Variants in PRIM2 observed in about 807,000 individuals in gnomAD.
The protein encoded by PRIM2 is DNA primase large subunit.
In PRIM2, 39 loss-of-function variants were observed where a neutral mutation model predicts 67.3. The observed-to-expected ratio is 0.58, with a 90% CI of 0.45 to 0.76. The LOEUF is 0.76. Ranked by LOEUF, PRIM2 falls within the 30% of genes least tolerant of loss-of-function variation. PRIM2 has a pLI of 0.00. For missense variants in PRIM2, 398 were observed against 598.7 expected, an observed-to-expected ratio of 0.66 and a Z score of 3.50; for synonymous variants, 143 against 198.7, an observed-to-expected ratio of 0.72 and a Z score of 2.36.
chr6:57,277,890 A>G, the PRIM2 span, among the ~76,000 whole-genome samples: 1 of 152,012 alleles, frequency 6.6e-6, no homozygotes, highest in East Asian at 1.9e-4. Context: ...AGGCTGAGGC[A>G]GGAGGATGGC....
chr6:57,297,899 G>A, the PRIM2 span, among the ~76,000 whole-genome samples: 1 of 152,184 alleles, frequency 6.6e-6, no homozygotes, highest in Non-Finnish European at 1.5e-5. Context: ...CCAGACAAAG[G>A]AGACTGAGAA....
chr6:57,285,484 A>G, the PRIM2 span, among the ~76,000 whole-genome samples: 2 of 152,194 alleles, frequency 1.3e-5, no homozygotes, highest in Non-Finnish European at 2.9e-5. Flanking sequence ...AAATCAATAA[A>G]CGTAATCCAT....
At chr6:57,362,003 G>A (rs1186862715) in intron 5 of PRIM2, among the ~76,000 whole-genome samples, 1 of 152,086 alleles carries the variant, frequency 6.6e-6, no homozygotes, top group Non-Finnish European at 1.5e-5. Flanking sequence ...AAAGGAGGTA[G>A]CAGAGATACT....
intron 11 of PRIM2, among the ~76,000 whole-genome samples, chr6:57,602,060 ATT>A (rs1192324407): frequency 4.9e-5 from 7 of 143,492 alleles, no homozygotes; most frequent in Admixed American, 1.4e-4. Context: ...ATAAACATAG[ATT>A]TTTTTTTTTT....
intron 7 of PRIM2, among the ~76,000 whole-genome samples, chr6:57,445,327 T>C (rs954433638): frequency 1.3e-5 from 2 of 152,132 alleles, no homozygotes; most frequent in African/African-American, 4.8e-5. Context: ...TGTATATGAG[T>C]ACGTAACAAA....
chr6:57,417,402 T>C (rs2127368772), intron 7 of PRIM2, among the ~76,000 whole-genome samples: 1 of 152,344 alleles, frequency 6.6e-6, no homozygotes, highest in East Asian at 1.9e-4. Flanking sequence ...ATTTTTGATA[T>C]ACCTTTCTCA....
chr6:57,481,826 T>A lies in PRIM2; in HGVS notation c.694-25561T>A, dbSNP rs1293847494. 3.3e-3 allele frequency among the ~76,000 whole-genome samples: 496 copies of A among 152,336 alleles called. 3 individuals carry two copies. Among genetic ancestry groups the A allele is most frequent in the Middle Eastern group, 0.01 (3 of 294 alleles). On this transcript the variant is annotated intron_variant, in intron 7 of 13. Transcript: ENST00000615550. Reference sequence around the variant, plus strand: ...TAGTAGTATCTCATTATGGTCTTGATTTGCCTTTTCCTAATGGCTAATGAT... The same window carrying A: ...TAGTAGTATCTCATTATGGTCTTGAATTGCCTTTTCCTAATGGCTAATGAT...
At chr6:57,517,766 C>T (rs1224805542) in intron 8 of PRIM2, among the ~76,000 whole-genome samples, 3 of 152,070 alleles carry the variant, frequency 2.0e-5, no homozygotes, top group African/African-American at 7.2e-5. Flanking sequence ...TAAGTCAGGG[C>T]AGCTCTCACA....
At chr6:57,283,955 T>C in the PRIM2 span, among the ~76,000 whole-genome samples, 2 of 152,136 alleles carry the variant, frequency 1.3e-5, no homozygotes, top group Non-Finnish European at 2.9e-5. Flanking sequence ...TTAATTAACT[T>C]TGCATGACAT....
intron 10 of PRIM2, among the ~76,000 whole-genome samples, chr6:57,551,642 T>C (rs1284474496): frequency 5.3e-5 from 8 of 152,006 alleles, no homozygotes; most frequent in African/African-American, 1.9e-4. Flanking sequence ...TTCTAGCTAC[T>C]AGAGGTATAG....
intron 5 of PRIM2, among the ~76,000 whole-genome samples, chr6:57,364,218 C>T (rs5009318): frequency 3.9e-5 from 6 of 151,938 alleles, no homozygotes; most frequent in African/African-American, 1.2e-4. Context: ...TCTGTGTGGT[C>T]TGTTCCTGCT....
chr6:57,319,498 GA>G (rs1487925989), intron 2 of PRIM2, among the ~76,000 whole-genome samples: 2 of 152,222 alleles, frequency 1.3e-5, no homozygotes, highest in African/African-American at 4.8e-5. Flanking sequence ...AGACAAGGGA[GA>G]AAAGGGTTTT....
Position 57,326,019 on chromosome 6 carries a change from A to C in PRIM2, c.433A>C (p.Lys145Gln), listed in dbSNP as rs1437122857. ...LPKDKIQDFL[K>Q]DSQLQFEAIS... is the part of the protein sequence containing the mutation. ...CAAGGATAAAATTCAGGATTTCTTA[A>C]AGGATAGCCAATTGCAGTTTGAGGC... is the stretch of plus-strand genomic sequence containing the variant. Residue 145 changes from lysine (K) to glutamine (Q), a missense_variant, in exon 5 of 14, where the codon AAG (lysine) becomes CAG (glutamine). Lys to Gln is a moderately conservative substitution (Grantham distance 53). Transcript: ENST00000615550. 1 of 1,612,708 alleles carries C rather than the reference A, an allele frequency of 6.2e-7. No homozygotes were observed. Among genetic ancestry groups the C allele is most frequent in the Non-Finnish European group, 8.5e-7 (1 of 1,179,538 alleles).
chr6:57,532,094 T>TA (rs1774903925), intron 8 of PRIM2, among the ~76,000 whole-genome samples: 1 of 152,182 alleles, frequency 6.6e-6, no homozygotes, highest in South Asian at 2.1e-4. Context: ...TATGTTGTCG[T>TA]GCTGTTAATA....
the PRIM2 span, among the ~76,000 whole-genome samples, chr6:57,283,345 T>C: frequency 3.3e-5 from 5 of 152,286 alleles, no homozygotes; most frequent in Admixed American, 1.3e-4. Flanking sequence ...CCCCTGTACT[T>C]CTGAACTTGG....
intron 13 of PRIM2, among the ~76,000 whole-genome samples, chr6:57,640,802 C>T (rs1488571511): frequency 1.3e-5 from 2 of 152,102 alleles, no homozygotes; most frequent in East Asian, 1.9e-4. Context: ...GGCCGTAATG[C>T]GCAAAGTAAT....
At chr6:57,426,053 G>A (rs1771613911) in intron 7 of PRIM2, among the ~76,000 whole-genome samples, 1 of 152,112 alleles carries the variant, frequency 6.6e-6, no homozygotes, top group African/African-American at 2.4e-5. Flanking sequence ...TATGATAATT[G>A]AAGATGGAAA....
At chr6:57,537,345 T>C (rs1267298842) in intron 9 of PRIM2, 95 bp from the exon 10 acceptor site, 1 of 601,536 alleles carries the variant, frequency 1.7e-6, no homozygotes, top group Non-Finnish European at 2.6e-6. Flanking sequence ...TTTTTTTTTA[T>C]TCCAATTAAA....
chr6:57,574,369 T>C (rs1775923504), intron 10 of PRIM2, among the ~76,000 whole-genome samples: 1 of 152,000 alleles, frequency 6.6e-6, no homozygotes, highest in South Asian at 2.1e-4. Flanking sequence ...CTTTCACTAC[T>C]ATTGCCTCCC....
Sources: gnomAD v4.1 joint callset for allele counts (sites outside exome capture counted in the v4.1 genomes callset) on GRCh38, gnomAD v4.1.1 for gene constraint, MANE v1.5 for transcripts, NCBI Gene and HGNC (gene_info 2026-07-23, HGNC 2026-07-21) for gene names.